MSRA: variants seen among roughly 807,000 people sequenced by gnomAD.
MSRA encodes the protein mitochondrial peptide methionine sulfoxide reductase.
Under a neutral mutation model 31.3 loss-of-function variants are expected in MSRA, and 54 were observed. The ratio of observed to expected loss-of-function variants is 1.73; its 90% confidence interval spans 1.39 to 2.17. MSRA has a LOEUF of 2.17. Ranked by LOEUF, MSRA falls within the 30% of genes most tolerant of loss-of-function variation. The pLI, the probability that MSRA is intolerant of heterozygous loss-of-function variation, is 0.00. For missense variants in MSRA, 507 were observed against 300.9 expected (o/e 1.69, Z -5.07); for synonymous variants, 169 against 116.5 (o/e 1.45, Z -2.90).
At chr8:10,058,221 A>G (rs1451263852) in intron 1 of MSRA, among the ~76,000 whole-genome samples, 1 of 152,316 alleles carries the variant, frequency 6.6e-6, no homozygotes, top group East Asian at 1.9e-4. Flanking sequence ...AAACAGTAGA[A>G]CAATGTATTA....
At chr8:10,189,233 C>A (rs898392147) in intron 1 of MSRA, among the ~76,000 whole-genome samples, 3 of 152,138 alleles carry the variant, frequency 2.0e-5, no homozygotes, top group African/African-American at 7.2e-5. Context: ...GCTTGGTAAA[C>A]TTTTTAGTAC....
intron 5 of MSRA, among the ~76,000 whole-genome samples, chr8:10,364,630 G>C (rs942980357): frequency 1.1e-4 from 16 of 152,226 alleles, no homozygotes; most frequent in Admixed American, 3.3e-4. Flanking sequence ...CTGACGATTT[G>C]TGGTTTGCAG....
At chr8:10,207,243 G>T (rs7843443) in intron 1 of MSRA, among the ~76,000 whole-genome samples, 11 of 152,120 alleles carry the variant, frequency 7.2e-5, no homozygotes, top group Non-Finnish European at 1.0e-4. Flanking sequence ...GGACCTGGGT[G>T]GGGGGATAAG....
chr8:10,201,860 C>T (rs988823636), intron 1 of MSRA, among the ~76,000 whole-genome samples: 8 of 152,242 alleles, frequency 5.3e-5, no homozygotes, highest in Non-Finnish European at 1.2e-4. Flanking sequence ...GAGGACACGT[C>T]ACTGCCATCA....
In MSRA at chr8:10,428,168, C is replaced by A. The variant is rs569323386; in HGVS notation, c.564C>A (p.Phe188Leu). The part of the protein sequence containing the change: ...NYQKVLSEHG[F>L]GPITTDIREG... ...CACAGGTTCTTTCAGAGCACGGCTT[C>A]GGCCCCATCACTACCGACATCCGGG... Residue 188 changes from phenylalanine to leucine, a missense_variant, in exon 6 of 6, where the codon TTC (phenylalanine) becomes TTA (leucine). Physicochemically the swap from Phe to Leu is conservative, Grantham distance 22 (BLOSUM62 0). Transcript: ENST00000317173. The A allele has an allele frequency of 6.2e-7, 1 of 1,613,810 alleles. No individual in the cohort carries two copies. Among genetic ancestry groups the A allele is most frequent in the Non-Finnish European group, 8.5e-7 (1 of 1,179,952 alleles).
chr8:10,089,941 C>G (rs74593724), intron 1 of MSRA, among the ~76,000 whole-genome samples: 2 of 152,166 alleles, frequency 1.3e-5, no homozygotes, highest in Admixed American at 6.5e-5. Flanking sequence ...ACACCTTCCA[C>G]GAGGCACCAC....
At chr8:10,224,040 C>G (rs112168564) in intron 2 of MSRA, among the ~76,000 whole-genome samples, 13 of 152,252 alleles carry the variant, frequency 8.5e-5, no homozygotes, top group Middle Eastern at 3.4e-3. Flanking sequence ...CTAGGATCAT[C>G]ATTTGTTCAA....
intron 5 of MSRA, among the ~76,000 whole-genome samples, chr8:10,424,032 G>A (rs978417672): frequency 6.6e-6 from 1 of 152,254 alleles, no homozygotes; most frequent in East Asian, 1.9e-4. Flanking sequence ...TTGTAATGCA[G>A]CGTCATCAGC....
At chr8:10,258,921 AC>A (rs1422982233) in intron 3 of MSRA, among the ~76,000 whole-genome samples, 1 of 152,182 alleles carries the variant, frequency 6.6e-6, no homozygotes, top group East Asian at 1.9e-4. Context: ...AGCCTGGCCA[AC>A]ATGTCGAAAC....
At chr8:10,352,894 A>G (rs1804266968) in intron 5 of MSRA, among the ~76,000 whole-genome samples, 1 of 152,082 alleles carries the variant, frequency 6.6e-6, no homozygotes, top group South Asian at 2.1e-4. Context: ...TCTGTCTTGC[A>G]ACATATCAGA....
intron 1 of MSRA, among the ~76,000 whole-genome samples, chr8:10,118,479 C>G (rs893547912): frequency 1.3e-5 from 2 of 152,130 alleles, no homozygotes; most frequent in Non-Finnish European, 2.9e-5. Context: ...TGATCCATCT[C>G]TCCCCTCTTT....
chr8:10,116,023 C>T (rs950835538), intron 1 of MSRA, among the ~76,000 whole-genome samples: 5 of 152,326 alleles, frequency 3.3e-5, no homozygotes, highest in South Asian at 4.1e-4. Flanking sequence ...GATGTGAGAT[C>T]GTGGCTGGAA....
At chr8:10,245,480 T>G (rs1486000736) in intron 3 of MSRA, among the ~76,000 whole-genome samples, 1 of 152,222 alleles carries the variant, frequency 6.6e-6, no homozygotes, top group Non-Finnish European at 1.5e-5. Context: ...AGTCATTTTA[T>G]TAGCTTGTAA....
At chr8:10,236,319 T>C (rs955615940) in intron 2 of MSRA, among the ~76,000 whole-genome samples, 2 of 152,220 alleles carry the variant, frequency 1.3e-5, no homozygotes, top group African/African-American at 2.4e-5. Context: ...AGAAAACTCA[T>C]TTGTACAGAA....
At chr8:10,175,457 A>C (rs899814813) in intron 1 of MSRA, among the ~76,000 whole-genome samples, 19 of 152,222 alleles carry the variant, frequency 1.2e-4, no homozygotes, top group African/African-American at 4.6e-4. Flanking sequence ...AGGATCAACA[A>C]GTGTTGACTA....
chr8:10,191,058 C>A (rs1392065309), intron 1 of MSRA, among the ~76,000 whole-genome samples: 4 of 152,220 alleles, frequency 2.6e-5, no homozygotes, highest in African/African-American at 9.6e-5. Flanking sequence ...TCCCATTCTT[C>A]TGCTGCTTAG....
intron 4 of MSRA, among the ~76,000 whole-genome samples, chr8:10,316,552 CT>C (rs1801731979): frequency 1.8e-5 from 2 of 108,592 alleles, no homozygotes; most frequent in Admixed American, 7.9e-5. Context: ...CTCTCTCTCT[CT>C]CTCTCTCTCT....
In MSRA at chr8:10,110,385, C is replaced by G. The variant is rs919993259; in HGVS notation, c.142+55727C>G. 2.0e-5 allele frequency among the ~76,000 whole-genome samples: 3 copies of G among 152,058 alleles called. No homozygotes were observed. In the South Asian group the frequency reaches 6.2e-4, roughly 32 times the overall value. ...TCCAGCCTCCCTCCCATTTTGTTACCCACTAAGATGCATATCATGGTTGTC... is the reference window on the plus strand; with the variant it reads ...TCCAGCCTCCCTCCCATTTTGTTACGCACTAAGATGCATATCATGGTTGTC... On this transcript the variant is annotated intron_variant, in intron 1 of 5. Coordinates refer to ENST00000317173, the MANE Select transcript of MSRA (RefSeq NM_012331.5).
At chr8:10,239,428 G>T (rs769208921) in intron 2 of MSRA, among the ~76,000 whole-genome samples, 1 of 152,172 alleles carries the variant, frequency 6.6e-6, no homozygotes, top group African/African-American at 2.4e-5. Flanking sequence ...CCAAAGTGCC[G>T]GGATTACAGG....
Sources: gnomAD v4.1 joint callset for allele counts (sites outside exome capture counted in the v4.1 genomes callset) on GRCh38, gnomAD v4.1.1 for gene constraint, MANE v1.5 for transcripts, NCBI Gene and HGNC (gene_info 2026-07-23, HGNC 2026-07-21) for gene names.